The following SLC35F1 variants were observed in gnomAD, a reference collection of about 807,000 sequenced individuals.
The protein encoded by SLC35F1 is chromosome 6 open reading frame 169.
Under a neutral mutation model 48.7 loss-of-function variants are expected in SLC35F1, and 14 were observed. The observed-to-expected ratio is 0.29, with a 90% confidence interval of 0.19 to 0.45. The LOEUF is 0.45. SLC35F1 is among the 20% of genes least tolerant of loss of function. The pLI, the probability that SLC35F1 is intolerant of heterozygous loss-of-function variation, is 1.00. For missense variants in SLC35F1, 404 were observed against 500.0 expected, an observed-to-expected ratio of 0.81 and a Z score of 1.83; for synonymous variants, 190 against 202.2, an observed-to-expected ratio of 0.94 and a Z score of 0.51.
At chr6:118,304,598 G>C (rs1457559143) in intron 7 of SLC35F1, among the ~76,000 whole-genome samples, 1 of 152,080 alleles carries the variant, frequency 6.6e-6, no homozygotes, top group East Asian at 1.9e-4. Flanking sequence ...TTTCAGAAAG[G>C]CATCTGAGGA....
chr6:118,238,426 AAATAATAAT>A (rs67710305), intron 3 of SLC35F1, among the ~76,000 whole-genome samples: 99 of 144,488 alleles, frequency 6.9e-4, no homozygotes, highest in African/African-American at 2.0e-3. Flanking sequence ...CCCATCTCTA[AAATAATAAT>A]AATAATAATA....
chr6:118,077,235 G>A (rs144441720), intron 1 of SLC35F1, among the ~76,000 whole-genome samples: 1 of 152,332 alleles, frequency 6.6e-6, no homozygotes, highest in Non-Finnish European at 1.5e-5. Flanking sequence ...AGGTTAGTCG[G>A]GGCTGCTGGG....
intron 1 of SLC35F1, among the ~76,000 whole-genome samples, chr6:117,991,446 A>T (rs1330637991): frequency 1.3e-5 from 2 of 152,180 alleles, no homozygotes; most frequent in Non-Finnish European, 1.5e-5. Flanking sequence ...TAAATTTTGT[A>T]ATTAAATTAG....
intron 1 of SLC35F1, among the ~76,000 whole-genome samples, chr6:117,994,386 A>G (rs1252744100): frequency 6.6e-6 from 1 of 152,132 alleles, no homozygotes; most frequent in African/African-American, 2.4e-5. Context: ...ATACATAACC[A>G]TCATTCCATT....
intron 2 of SLC35F1, among the ~76,000 whole-genome samples, chr6:118,232,261 A>G (rs1418934272): frequency 3.3e-5 from 5 of 152,186 alleles, no homozygotes; most frequent in Non-Finnish European, 7.3e-5. Flanking sequence ...TGTATAAATA[A>G]AGGGTGTTGA....
intron 1 of SLC35F1, among the ~76,000 whole-genome samples, chr6:118,003,405 TG>T (rs1162289512): frequency 6.6e-6 from 1 of 152,222 alleles, no homozygotes; most frequent in Non-Finnish European, 1.5e-5. Flanking sequence ...AGGTTCTGGT[TG>T]GTTCTGGTCC....
intron 7 of SLC35F1, among the ~76,000 whole-genome samples, chr6:118,291,348 A>AG (rs1420793661): frequency 1.3e-5 from 2 of 152,078 alleles, no homozygotes; most frequent in Admixed American, 1.3e-4. Flanking sequence ...ACATAAAAAA[A>AG]GTCTATTTTG....
intron 1 of SLC35F1, among the ~76,000 whole-genome samples, chr6:117,926,808 T>G (rs976553114): frequency 6.6e-6 from 1 of 152,118 alleles, no homozygotes; most frequent in African/African-American, 2.4e-5. Flanking sequence ...GTAACATGAC[T>G]GATGTGTTCA....
chr6:117,933,746 C>T (rs1776130549), intron 1 of SLC35F1, among the ~76,000 whole-genome samples: 1 of 152,108 alleles, frequency 6.6e-6, no homozygotes, highest in Non-Finnish European at 1.5e-5. Flanking sequence ...AGAGAGGGCT[C>T]TTGTGATAAC....
At position 118,027,635 on chromosome 6, in the gene SLC35F1, TA is replaced by T. The variant is rs535457669; in HGVS notation, c.173+119743del. Among the ~76,000 whole-genome samples the T allele has an allele frequency of 9.9e-5, 15 of 152,178 alleles. No homozygotes were observed. The South Asian group carries it at 2.7e-3, about 27-fold the overall frequency. ...CCCTCACCTCGCCCTGCCAAGCTTT[TA>T]AAAAAAGTTTGGATGGTTTATCTTC... On this transcript the variant is annotated intron_variant, in intron 1 of 7. Transcript: ENST00000360388.
intron 2 of SLC35F1, among the ~76,000 whole-genome samples, chr6:118,218,032 CTGA>C (rs1324023873): frequency 6.6e-6 from 1 of 152,164 alleles, no homozygotes; most frequent in African/African-American, 2.4e-5. Context: ...GATGGATGGC[CTGA>C]TCTTCATTCC....
intron 1 of SLC35F1, among the ~76,000 whole-genome samples, chr6:118,127,337 A>C (rs569565598): frequency 1.6e-4 from 24 of 152,050 alleles, no homozygotes; most frequent in Non-Finnish European, 2.8e-4. Context: ...AAGCCCACTT[A>C]ATCATGGTGG....
intron 2 of SLC35F1, among the ~76,000 whole-genome samples, chr6:118,179,127 A>G (rs1050127508): frequency 6.6e-6 from 1 of 152,094 alleles, no homozygotes; most frequent in Non-Finnish European, 1.5e-5. Context: ...GGGCTTGGGT[A>G]TGCTTCACTT....
Position 118,016,805 on chromosome 6 carries a change from G to GT in SLC35F1, c.173+108906_173+108907insT, listed in dbSNP as rs563326392. 1.3e-3 allele frequency among the ~76,000 whole-genome samples: 193 copies of GT among 152,264 alleles called. 1 individual carries two copies. The highest frequency in any genetic ancestry group is 4.0e-3 in the African/African-American group (166 of 41,536). On this transcript the variant is annotated intron_variant, in intron 1 of 7. Coordinates refer to ENST00000360388, the MANE Select transcript of SLC35F1 (RefSeq NM_001029858.4). ...TAAAGACTCACAGTAGCACTTTTGA[G>GT]GCTAAAAGGCATAGTTTCTAATGAA... is the stretch of plus-strand genomic sequence containing the variant.
chr6:118,012,787 A>G (rs1777267373), intron 1 of SLC35F1, among the ~76,000 whole-genome samples: 1 of 152,184 alleles, frequency 6.6e-6, no homozygotes, highest in Non-Finnish European at 1.5e-5. Flanking sequence ...TTTATTACAA[A>G]CCATTAAGTA....
chr6:117,918,341 G>A (rs535411649), intron 1 of SLC35F1, among the ~76,000 whole-genome samples: 2 of 152,234 alleles, frequency 1.3e-5, no homozygotes, highest in South Asian at 4.1e-4. Flanking sequence ...TCAGATGGTG[G>A]AATTCAAAGC....
At chr6:118,225,056 C>T (rs533755164) in intron 2 of SLC35F1, among the ~76,000 whole-genome samples, 11 of 152,252 alleles carry the variant, frequency 7.2e-5, no homozygotes, top group African/African-American at 1.4e-4. Flanking sequence ...ATATTCCATG[C>T]GCATGGGTTG....
At chr6:118,302,448 A>G (rs1472026460) in intron 7 of SLC35F1, among the ~76,000 whole-genome samples, 2 of 152,194 alleles carry the variant, frequency 1.3e-5, no homozygotes, top group African/African-American at 4.8e-5. Flanking sequence ...ACTGGTATAC[A>G]CACAGGCTAA....
chr6:117,995,605 G>C (rs1776975165), intron 1 of SLC35F1, among the ~76,000 whole-genome samples: 1 of 152,116 alleles, frequency 6.6e-6, no homozygotes, highest in Non-Finnish European at 1.5e-5. Context: ...GCTGGGTGTG[G>C]TCGTGGGCAC....
Sources: allele counts gnomAD v4.1 joint callset (sites outside exome capture counted in the v4.1 genomes callset), GRCh38; gene constraint gnomAD v4.1.1; transcripts MANE v1.5; gene names NCBI Gene and HGNC (gene_info 2026-07-23, HGNC 2026-07-21).